UBXN7: variants seen among roughly 807,000 people sequenced by gnomAD.
UBXN7 encodes the protein UBX domain protein 7, also known as UBX domain-containing protein 7.
In UBXN7, 9 loss-of-function variants were observed where a neutral mutation model predicts 58.0. The ratio of observed to expected loss-of-function variants is 0.16; its 90% CI spans 0.09 to 0.27. The LOEUF (loss-of-function observed/expected upper bound fraction) is 0.27, where lower values mean the gene tolerates loss of function less well. UBXN7 is among the 10% of genes least tolerant of loss of function. UBXN7 has a pLI of 1.00. For missense variants in UBXN7, 328 were observed against 599.6 expected (o/e 0.55, Z 4.73); for synonymous variants, 208 against 205.0 (o/e 1.01, Z -0.12).
At chr3:196,379,036 G>T (rs1729118196) in intron 5 of UBXN7, among the ~76,000 whole-genome samples, 2 of 129,498 alleles carry the variant, frequency 1.5e-5, no homozygotes, top group African/African-American at 5.9e-5. Context: ...TTGGTTTTGG[G>T]GGATTTTAGC....
chr3:196,363,452 C>G (rs991691561), intron 8 of UBXN7, among the ~76,000 whole-genome samples: 6 of 150,772 alleles, frequency 4.0e-5, no homozygotes, highest in African/African-American at 1.5e-4. Context: ...GTCAAAAGAT[C>G]GAGACCATCC....
In UBXN7 at chr3:196,348,735, G is replaced by GACATGAA. The variant is rs1201233519; in HGVS notation, c.*7943_*7949dup. On this transcript the variant is annotated 3_prime_UTR_variant, in exon 11 of 11. Transcript: ENST00000296328. The stretch of plus-strand genomic sequence containing the variant: ...AGATGTAAAGTGAGGTTTGGAAAAT[G>GACATGAA]ACATGAAACATGAAACATGTTTAAA... The GACATGAA allele has an allele frequency of 1.3e-5, 2 of 152,044 alleles. 1 individual carries two copies. The highest frequency in any genetic ancestry group is 2.9e-5 in the Non-Finnish European group (2 of 68,016). The allele number at this position is 152,044 out of a possible 1,614,324, so 9.4% of individuals were successfully genotyped here. A position where few individuals can be genotyped will look rare whatever the true frequency, so the allele number is the denominator to read the frequency against.
Position 196,404,560 on chromosome 3 carries a change from C to G in UBXN7, c.222-1541G>C, listed in dbSNP as rs1375871521. Among the ~76,000 whole-genome samples, 3 of 152,116 alleles carry G rather than the reference C, an allele frequency of 2.0e-5. No individual in the cohort carries two copies. The East Asian group carries it at 5.8e-4, about 29-fold the overall frequency. On this transcript the variant is annotated intron_variant, in intron 2 of 10. Transcript: ENST00000296328. ...TACAGGCGTGAGCCACCGCGCCCGG[C>G]CAATGGTTTTCATTCAGGTGTTCTG... is the stretch of plus-strand genomic sequence containing the variant.
chr3:196,432,090 G>C, intron 1 of UBXN7: 2 of 638,546 alleles, frequency 3.1e-6, no homozygotes, highest in South Asian at 1.8e-5. Context: ...GGGGGGTTGG[G>C]GGATCTCCCT....
In UBXN7 at chr3:196,352,596, A is replaced by C. The variant is rs966478370; in HGVS notation, c.*4089T>G. The C allele has an allele frequency of 1.3e-5, 2 of 152,186 alleles. No homozygotes were observed. Among genetic ancestry groups the C allele is most frequent in the Non-Finnish European group, 2.9e-5 (2 of 68,018 alleles). The allele number at this position is 152,186 out of a possible 1,614,324, so 9.4% of individuals were successfully genotyped here. A position where few individuals can be genotyped will look rare whatever the true frequency, so the allele number is the denominator to read the frequency against. The stretch of plus-strand genomic sequence containing the variant: ...TACTTCCAACTTCTATAAAGAACTC[A>C]ATAGCTAATTGTTGACTTGTAAGTC... On this transcript the variant is annotated 3_prime_UTR_variant, in exon 11 of 11. Coordinates refer to ENST00000296328, the MANE Select transcript of UBXN7 (RefSeq NM_015562.2). This position sits in a 1 kb window ranked among gnomAD's most constrained non-coding sequence, Gnocchi z 4.1.
At chr3:196,408,366 G>A (rs908779964) in intron 1 of UBXN7, among the ~76,000 whole-genome samples, 1 of 151,714 alleles carries the variant, frequency 6.6e-6, no homozygotes, top group Non-Finnish European at 1.5e-5. Context: ...TTCCTTTTTT[G>A]ACTCAGTAAT....
intron 1 of UBXN7, among the ~76,000 whole-genome samples, chr3:196,429,010 TAAAAAAAAAA>T (rs11401303): frequency 1.9e-4 from 24 of 126,286 alleles, no homozygotes; most frequent in South Asian, 2.6e-4. Context: ...CTCCATCTCT[TAAAAAAAAAA>T]AAAAAAAATC....
intron 5 of UBXN7, among the ~76,000 whole-genome samples, chr3:196,377,118 A>G (rs1432912934): frequency 6.6e-6 from 1 of 152,074 alleles, no homozygotes; most frequent in Non-Finnish European, 1.5e-5. Context: ...TCCTTCTGGC[A>G]TAATCATGAT....
intron 8 of UBXN7, among the ~76,000 whole-genome samples, chr3:196,363,268 A>AT (rs1047304906): frequency 1.3e-4 from 20 of 149,248 alleles, no homozygotes; most frequent in African/African-American, 3.7e-4. Flanking sequence ...ATATACACAT[A>AT]TTTTTTTTTC....
At chr3:196,432,129 G>A (rs1731084896) in intron 1 of UBXN7, 198 bp downstream of exon 1, 3 of 727,328 alleles carry the variant, frequency 4.1e-6, no homozygotes, top group African/African-American at 1.7e-5. Context: ...GAGAACGAGG[G>A]TATCGGGAGC....
Position 196,372,300 on chromosome 3 carries a change from T to TTCTCTCTC in UBXN7, c.469-266_469-259dup, listed in dbSNP as rs144595952. Among the ~76,000 whole-genome samples, 407 of 133,618 alleles carry TTCTCTCTC rather than the reference T, an allele frequency of 3.0e-3. 2 individuals are homozygous for TTCTCTCTC. The highest frequency in any genetic ancestry group is 5.1e-3 in the African/African-American group (188 of 36,952). 87.7% of individuals were successfully genotyped at this position (133,618 alleles called of 152,430 possible). On this transcript the variant is annotated intron_variant, in intron 5 of 10. Coordinates refer to ENST00000296328, the MANE Select transcript of UBXN7 (RefSeq NM_015562.2). Reference sequence around the variant, plus strand: ...TCCAGTTATTTGTTATAATAGCTGATTCTCTCTCTCTCTCTCTCTCTCTCT... The same window carrying TTCTCTCTC: ...TCCAGTTATTTGTTATAATAGCTGATTCTCTCTCTCTCTCTCTCTCTCTCTCTCTCTCT...
rs746738060 is a variant in UBXN7 at position 196,417,041 on chromosome 3, C to T, written c.74-9648G>A. 3.7e-4 allele frequency among the ~76,000 whole-genome samples: 57 copies of T among 152,290 alleles called. 1 individual carries two copies. Among genetic ancestry groups the T allele is most frequent in the African/African-American group, 8.4e-4 (35 of 41,574 alleles). On this transcript the variant is annotated intron_variant, in intron 1 of 10. Coordinates refer to ENST00000296328, the MANE Select transcript of UBXN7 (RefSeq NM_015562.2). ...GTTAAAATAAATGTACACACAGGCG[C>T]GGCGGCTCACGCCTGTAATCCCAGA...
chr3:196,404,710 T>A (rs1730105981), intron 2 of UBXN7, among the ~76,000 whole-genome samples: 1 of 152,160 alleles, frequency 6.6e-6, no homozygotes, highest in East Asian at 1.9e-4. Context: ...GAACAACCAG[T>A]TAAAGAAATT....
intron 5 of UBXN7, among the ~76,000 whole-genome samples, chr3:196,377,253 T>C (rs1275073826): frequency 6.6e-6 from 1 of 152,104 alleles, no homozygotes; most frequent in Non-Finnish European, 1.5e-5. Flanking sequence ...AACATTCCCT[T>C]GCCCAGGTCA....
At chr3:196,366,432 A>G (rs550629676) in intron 8 of UBXN7, among the ~76,000 whole-genome samples, 2 of 150,680 alleles carry the variant, frequency 1.3e-5, no homozygotes, top group African/African-American at 4.9e-5. Flanking sequence ...AAGAAGATTG[A>G]CTGAGCCCAG....
At chr3:196,419,245 G>T (rs1460407561) in intron 1 of UBXN7, among the ~76,000 whole-genome samples, 1 of 151,926 alleles carries the variant, frequency 6.6e-6, no homozygotes, top group Non-Finnish European at 1.5e-5. Context: ...CCACTGCACT[G>T]CACTCTGTTG....
chr3:196,359,902 T>C (rs1728460062), intron 10 of UBXN7, among the ~76,000 whole-genome samples: 1 of 148,938 alleles, frequency 6.7e-6, no homozygotes, highest in African/African-American at 2.5e-5. Context: ...CAAGACTCTG[T>C]CTCAAAAAAA....
At position 196,393,572 on chromosome 3, in the gene UBXN7, C is replaced by T. The variant is rs1309162425; in HGVS notation, c.337G>A (p.Asp113Asn). 6.2e-7 allele frequency: 1 copy of T among 1,612,436 alleles called. No individual in the cohort carries two copies. Among genetic ancestry groups the T allele is most frequent in the Admixed American group, 1.7e-5 (1 of 59,986 alleles). ...TACCTACTAGTTTCAGTCTGAAAATCCCGGAAACCATCAAAAATTGAACGT... is the reference window on the plus strand; with the variant it reads ...TACCTACTAGTTTCAGTCTGAAAATTCCGGAAACCATCAAAAATTGAACGT... ...PARSIFDGFR[D>N]FQTETIRQEQ... The change falls in exon 4 of 11, where the codon GAT (aspartate) becomes AAT (asparagine). Residue 113 changes from aspartate (D) to asparagine (N), a missense_variant. Physicochemically the swap from Asp to Asn is conservative, Grantham distance 23. This residue lies in a region of UBXN7 where 126 missense variants were observed against 302.6 expected (regional missense o/e 0.42). Coordinates refer to ENST00000296328, the MANE Select transcript of UBXN7 (RefSeq NM_015562.2).
chr3:196,417,724 TAAAAAAAAAAAAAA>T lies in UBXN7; in HGVS notation c.74-10345_74-10332del, dbSNP rs749981900. 3.2e-3 allele frequency among the ~76,000 whole-genome samples: 100 copies of T among 31,690 alleles called. 1 individual carries two copies. The highest frequency in any genetic ancestry group is 0.018 in the Middle Eastern group (1 of 56). The allele number at this position is 31,690 out of a possible 152,430, so 20.8% of individuals were successfully genotyped here. On this transcript the variant is annotated intron_variant, in intron 1 of 10. Coordinates refer to ENST00000296328, the MANE Select transcript of UBXN7 (RefSeq NM_015562.2). ...TTGAGACCAGTCTGGGCAAAATGGT[TAAAAAAAAAAAAAA>T]AAAAAAAAAAAAAAAAAAACCATCT...
Sources: gnomAD v4.1 joint callset for allele counts (sites outside exome capture counted in the v4.1 genomes callset) on GRCh38, gnomAD v4.1.1 for gene constraint, gnomAD v4.1.1 regional missense constraint, Gnocchi (gnomAD v3.1) non-coding constraint, MANE v1.5 for transcripts, NCBI Gene and HGNC (gene_info 2026-07-23, HGNC 2026-07-21) for gene names.